Variants in GON4L observed in about 807,000 individuals in gnomAD.
GON4L encodes GON-4-like protein.
Under a neutral mutation model 211.8 loss-of-function variants are expected in GON4L, and 87 were observed. That is an observed-to-expected ratio of 0.41 (90% CI 0.35 to 0.49). GON4L has a LOEUF of 0.49. GON4L is among the 20% of genes least tolerant of loss of function. The pLI is 0.15. For missense variants in GON4L, 2,155 were observed against 2,659.5 expected (o/e 0.81, Z 4.17); for synonymous variants, 875 against 962.6 (o/e 0.91, Z 1.68).
At chr1:155,817,750 C>T (rs1185278639) in intron 6 of GON4L, among the ~76,000 whole-genome samples, 3 of 152,022 alleles carry the variant, frequency 2.0e-5, no homozygotes, top group South Asian at 4.2e-4. Context: ...CCTATTTCTA[C>T]AAAAGAATGT....
Position 155,806,738 on chromosome 1 carries a change from G to C in GON4L, c.1453-1597C>G, listed in dbSNP as rs190345630. On this transcript the variant is annotated intron_variant, in intron 10 of 31. Transcript: ENST00000368331. ...TCACCCAATAATATCCCATTGTATA[G>C]ATATACCACTTTTGTTTATCCAATT... 8.5e-5 allele frequency among the ~76,000 whole-genome samples: 13 copies of C among 152,232 alleles called. No homozygotes were observed. In the East Asian group the frequency reaches 2.5e-3, roughly 29 times the overall value.
intron 24 of GON4L, among the ~76,000 whole-genome samples, chr1:155,758,324 CAT>C (rs1160541806): frequency 3.9e-5 from 6 of 152,220 alleles, no homozygotes; most frequent in African/African-American, 9.6e-5. Flanking sequence ...CACCAAAATT[CAT>C]ATGATACTTT....
At position 155,762,286 on chromosome 1, in the gene GON4L, G is replaced by A. The variant is rs1424068514; in HGVS notation, c.4815C>T (p.Thr1605=). The A allele has an allele frequency of 3.7e-6, 6 of 1,613,530 alleles. No individual in the cohort carries two copies. In the East Asian group the frequency reaches 1.3e-4, roughly 36 times the overall value. The change falls in exon 23 of 32, where the codon ACC becomes ACT. Residue 1605 remains threonine, a synonymous_variant. Transcript: ENST00000368331. ...CATCATACAGCAACAGCAGCTTGGA[G>A]GTGTCCTTGCTGGCCCGAGCCCGAC... ...RGSRARASKD[T]SKLLLLYDED...
intron 29 of GON4L, 108 bp from the exon 30 acceptor site, chr1:155,752,698 G>T (rs534714082): frequency 7.1e-5 from 108 of 1,514,334 alleles, no homozygotes; most frequent in South Asian, 3.6e-4. Flanking sequence ...TAAAAAAGAG[G>T]GCTGGGCATG....
At position 155,837,372 on chromosome 1, in the gene GON4L, G is replaced by A. The variant is rs986295516; in HGVS notation, c.506-10344C>T. Among the ~76,000 whole-genome samples the A allele has an allele frequency of 8.5e-5, 13 of 152,112 alleles. No individual in the cohort carries two copies. In the East Asian group the frequency reaches 1.2e-3, roughly 14 times the overall value. On this transcript the variant is annotated intron_variant, in intron 2 of 31. Coordinates refer to ENST00000368331, the MANE Select transcript of GON4L (RefSeq NM_001282860.2). ...ACTGTCTCAGGGACTCCAAGGACAC[G>A]CCCTGAACAACAACCCCTCTCTTCC... is the stretch of plus-strand genomic sequence containing the variant.
Position 155,750,319 on chromosome 1 carries a change from A to C in GON4L, c.*265T>G, listed in dbSNP as rs1660443712. ...ATAAATATGTGCCATCAGACCAAAA[A>C]AAAGTAGAGAAAGGAGCTGAACTCC... On this transcript the variant is annotated 3_prime_UTR_variant, in exon 32 of 32. Transcript: ENST00000368331. 9.9e-6 allele frequency: 6 copies of C among 607,374 alleles called. No homozygotes were observed. The Admixed American group carries it at 1.5e-4, about 15-fold the overall frequency. The allele number at this position is 607,374 out of a possible 1,614,324, so 37.6% of individuals were successfully genotyped here. A position where few individuals can be genotyped will look rare whatever the true frequency, so the allele number is the denominator to read the frequency against.
intron 2 of GON4L, among the ~76,000 whole-genome samples, chr1:155,828,101 T>C (rs1383752226): frequency 6.6e-6 from 1 of 151,144 alleles, no homozygotes; most frequent in Non-Finnish European, 1.5e-5. Flanking sequence ...AAGGCTGCAG[T>C]GAGCTGTGAT....
intron 2 of GON4L, among the ~76,000 whole-genome samples, chr1:155,838,592 T>C (rs7512694): frequency 0.03 from 4,594 of 152,084 alleles, 86 homozygotes; most frequent in Admixed American, 0.043. Flanking sequence ...CTGGCCAACA[T>C]GGCAAAACCC....
At position 155,752,294 on chromosome 1, in the gene GON4L, G is replaced by T; in HGVS notation, c.6139C>A (p.Pro2047Thr). 2 of 1,583,466 alleles carry T rather than the reference G, an allele frequency of 1.3e-6. No homozygotes were observed. Among genetic ancestry groups the T allele is most frequent in the Non-Finnish European group, 1.7e-6 (2 of 1,152,728 alleles). ...ACAGGACTCAGGAAGGAAGCAGGGG[G>T]TTCCACGGTACCAGGCAATTTCTCA... ...ETEKLPGTVE[P>T]PASFLSPVSS... The change falls in exon 30 of 32, where the codon CCC (proline) becomes ACC (threonine). Residue 2047 changes from proline (P) to threonine (T), a missense_variant. Physicochemically the swap from Pro to Thr is conservative, Grantham distance 38. Around this residue, in one of 6 missense-constraint regions of GON4L, gnomAD observed 186 missense variants for 308.1 expected, o/e 0.60. Transcript: ENST00000368331.
At chr1:155,774,243 A>G (rs1387611974) in intron 17 of GON4L, among the ~76,000 whole-genome samples, 2 of 152,266 alleles carry the variant, frequency 1.3e-5, no homozygotes, top group East Asian at 3.9e-4. Flanking sequence ...CTTGCAAGTC[A>G]ATATTTCATT....
chr1:155,754,829 G>A (rs1002755983), intron 27 of GON4L, among the ~76,000 whole-genome samples: 6 of 149,466 alleles, frequency 4.0e-5, no homozygotes, highest in Non-Finnish European at 8.9e-5. Flanking sequence ...GTGCCTGGCC[G>A]TATTTTTGGT....
intron 10 of GON4L, among the ~76,000 whole-genome samples, chr1:155,809,326 T>TTG (rs1667461835): frequency 1.3e-5 from 2 of 152,070 alleles, no homozygotes; most frequent in Admixed American, 1.3e-4. Flanking sequence ...CTATCTCTCC[T>TTG]CAACAGACTA....
intron 27 of GON4L, among the ~76,000 whole-genome samples, chr1:155,754,735 G>C (rs1660994531): frequency 6.6e-6 from 1 of 151,226 alleles, no homozygotes; most frequent in Non-Finnish European, 1.5e-5. Flanking sequence ...TCACCATGTT[G>C]GTCAGGCTGG....
At position 155,765,614 on chromosome 1, in the gene GON4L, C is replaced by T; in HGVS notation, c.3859G>A (p.Ala1287Thr). 6.2e-7 allele frequency: 1 copy of T among 1,614,190 alleles called. No homozygotes were observed. The highest frequency in any genetic ancestry group is 8.5e-7 in the Non-Finnish European group (1 of 1,180,040). Residue 1287 changes from alanine (A) to threonine (T), a missense_variant, in exon 21 of 32, where the codon GCC (alanine) becomes ACC (threonine). This residue lies in a region of GON4L where 615 missense variants were observed against 625.7 expected (regional missense o/e 0.98). Coordinates refer to ENST00000368331, the MANE Select transcript of GON4L (RefSeq NM_001282860.2). ...ECQEGLSENSACRWTVVKTEE... is the reference protein window; with the variant it reads ...ECQEGLSENSTCRWTVVKTEE... ...GTTTTCACAACGGTCCAGCGACAGG[C>T]ACTATTCTCTGACAATCCTTCTTGG... is the stretch of plus-strand genomic sequence containing the variant.
At chr1:155,775,866 C>A (rs180706574) in intron 16 of GON4L, among the ~76,000 whole-genome samples, 1 of 152,224 alleles carries the variant, frequency 6.6e-6, no homozygotes, top group Admixed American at 6.5e-5. Context: ...CTCACTGTAA[C>A]CCTCACCTCC....
In GON4L at chr1:155,773,251, A is replaced by T. The variant is rs139654165; in HGVS notation, c.2351-41T>A. 561 of 1,611,122 alleles carry T rather than the reference A, an allele frequency of 3.5e-4. 6 individuals are homozygous for T. In the East Asian group the frequency reaches 8.1e-3, roughly 23 times the overall value. On this transcript the variant is annotated intron_variant, in intron 17 of 31. Coordinates refer to ENST00000368331, the MANE Select transcript of GON4L (RefSeq NM_001282860.2). ...TCTCGGATAAATCAACTTCTAGGAC[A>T]AAAGAGGGCTTCATAAAAGCCTGTG...
At chr1:155,749,384 A>G (rs1261371727), downstream of GON4L, 30 of 1,609,058 alleles carry the variant, frequency 1.9e-5, no homozygotes, top group Non-Finnish European at 2.5e-5. Flanking sequence ...CCACTGGGGA[A>G]GAAATCTTGG....
rs562136001 is a variant in GON4L, at chr1:155,749,965, C to T, written c.*619G>A. On this transcript the variant is annotated 3_prime_UTR_variant, in exon 32 of 32. Coordinates refer to ENST00000368331, the MANE Select transcript of GON4L (RefSeq NM_001282860.2). ...GTGTTTGGGGCACTGTGTTCCTCTT[C>T]GTCCCTGCACCAGACCCTGGAAGCC... 5,852 of 1,456,264 alleles carry T rather than the reference C, an allele frequency of 4.0e-3. 15 individuals carry two copies. The highest frequency in any genetic ancestry group is 4.8e-3 in the Non-Finnish European group (5,190 of 1,088,772). The allele number at this position is 1,456,264 out of a possible 1,614,324, so 90.2% of individuals were successfully genotyped here.
intron 2 of GON4L, among the ~76,000 whole-genome samples, chr1:155,833,423 G>A (rs1669977832): frequency 6.6e-6 from 1 of 151,842 alleles, no homozygotes; most frequent in Admixed American, 6.6e-5. Flanking sequence ...GCCGAGGCGG[G>A]CAGATCACAA....
Sources: allele counts gnomAD v4.1 joint callset (sites outside exome capture counted in the v4.1 genomes callset), GRCh38; gene constraint gnomAD v4.1.1; regional missense constraint gnomAD v4.1.1; transcripts MANE v1.5; gene names NCBI Gene and HGNC (gene_info 2026-07-23, HGNC 2026-07-21).